The following BRCA1 variants were observed in gnomAD, a reference collection of about 807,000 sequenced individuals.
BRCA1 encodes breast cancer type 1 susceptibility protein.
Under a neutral mutation model 173.7 loss-of-function variants are expected in BRCA1, and 140 were observed. The observed-to-expected ratio is 0.81, with a 90% CI of 0.70 to 0.93. The LOEUF (loss-of-function observed/expected upper bound fraction) is 0.93, where lower values mean the gene tolerates loss of function less well. Among genes scored for constraint, BRCA1 ranks in the 40% least tolerant of loss-of-function variants. The pLI is 0.00. For synonymous variants in BRCA1, 662 were observed against 756.0 expected (o/e 0.88, Z 2.04); for missense variants, 1,983 against 2,172.5 (o/e 0.91, Z 1.73).
At chr17:43,087,019 AT>A (rs2053254938) in intron 11 of BRCA1, among the ~76,000 whole-genome samples, 1 of 152,200 alleles carries the variant, frequency 6.6e-6, no homozygotes, top group Non-Finnish European at 1.5e-5. Context: ...GCAATGCAAG[AT>A]TTAGATTTTA....
chr17:43,091,722 C>T lies in BRCA1; in HGVS notation c.3809G>A (p.Cys1270Tyr), dbSNP rs1207787135. The change falls in exon 10 of 23, where the codon TGC becomes TAC. Residue 1270 changes from cysteine to tyrosine, a missense_variant. Physicochemically the swap from Cys to Tyr is radical, Grantham distance 194. Coordinates refer to ENST00000357654, the MANE Select transcript of BRCA1 (RefSeq NM_007294.4). The part of the protein sequence containing the change: ...LLSLKNSLND[C>Y]SNQVILAKAS... ...CTTTGCCAATATTACCTGGTTACTGCAGTCATTTAAGCTATTCTTCAATGA... is the reference window on the plus strand; with the variant it reads ...CTTTGCCAATATTACCTGGTTACTGTAGTCATTTAAGCTATTCTTCAATGA... The T allele has an allele frequency of 6.2e-7, 1 of 1,614,202 alleles. No individual in the cohort carries two copies. Among genetic ancestry groups the T allele is most frequent in the Non-Finnish European group, 8.5e-7 (1 of 1,180,030 alleles).
In BRCA1 at chr17:43,159,476, G is replaced by T. The variant is rs561072282; in HGVS notation, c.-20+10650C>A. On this transcript the variant is annotated intron_variant, in intron 1 of 7. Coordinates refer to the BRCA1 transcript ENST00000634433. ...CTGAGACGCTCCTCACTTCCCAGAC[G>T]GGGTGGCTGCCAGGCGGAGGGGCTC... The T allele has an allele frequency of 2.5e-4, 43 of 170,732 alleles. 1 individual carries two copies. The South Asian group carries it at 4.9e-3, about 19-fold the overall frequency. The allele number at this position is 170,732 out of a possible 1,614,324, so 10.6% of individuals were successfully genotyped here.
chr17:43,090,874 G>A (rs997416809), intron 11 of BRCA1, 70 bp downstream of exon 11: 2 of 1,370,818 alleles, frequency 1.5e-6, no homozygotes, highest in Admixed American at 3.9e-5. Flanking sequence ...ACCTAAGAAT[G>A]TGGGATACAT....
intron 1 of BRCA1, chr17:43,142,476 C>T (rs2056082271): frequency 6.6e-6 from 1 of 152,232 alleles, no homozygotes; most frequent in Non-Finnish European, 1.5e-5. Context: ...GGAATGGTTA[C>T]AAGGCTTTGA....
At chr17:43,052,648 GA>G (rs889775177) in intron 19 of BRCA1, among the ~76,000 whole-genome samples, 3 of 151,904 alleles carry the variant, frequency 2.0e-5, no homozygotes, top group Non-Finnish European at 2.9e-5. Context: ...GCAATAAAAA[GA>G]AAATTGCCAA....
chr17:43,051,667 C>G (rs940252839), intron 19 of BRCA1, among the ~76,000 whole-genome samples: 1 of 148,000 alleles, frequency 6.8e-6, no homozygotes, highest in African/African-American at 2.5e-5. Flanking sequence ...GACGGAGTCT[C>G]TCTCTGTCAC....
chr17:43,116,159 T>A (rs2055286257), intron 2 of BRCA1, among the ~76,000 whole-genome samples: 1 of 151,944 alleles, frequency 6.6e-6, no homozygotes, highest in African/African-American at 2.4e-5. Flanking sequence ...CAAAATTTTC[T>A]GCTTATATTT....
chr17:43,145,764 G>T (rs1160563730), intron 1 of BRCA1, among the ~76,000 whole-genome samples: 2 of 151,952 alleles, frequency 1.3e-5, no homozygotes. Flanking sequence ...GAAATCATTT[G>T]CTGGTTGTTT....
intron 1 of BRCA1, among the ~76,000 whole-genome samples, chr17:43,145,951 T>G (rs1178800296): frequency 6.6e-6 from 1 of 152,180 alleles, no homozygotes; most frequent in Non-Finnish European, 1.5e-5. Context: ...ACATTTTAAA[T>G]TACTTCCATC....
intron 14 of BRCA1, among the ~76,000 whole-genome samples, chr17:43,072,048 T>G (rs1431783035): frequency 1.3e-5 from 2 of 150,846 alleles, no homozygotes; most frequent in Non-Finnish European, 1.5e-5. Context: ...AAATAAAAGT[T>G]TATGTAAAAT....
rs1351453819 is a variant in BRCA1, at chr17:43,044,485, A to C, written c.*1193T>G. On this transcript the variant is annotated 3_prime_UTR_variant, in exon 23 of 23. Coordinates refer to ENST00000357654, the MANE Select transcript of BRCA1 (RefSeq NM_007294.4). ...CACTTTTTCTTCCTTCAGCAAGCAA[A>C]ATTATTTATGAAGCTGTATGGTTTC... The C allele has an allele frequency of 2.0e-6, 1 of 508,990 alleles. No homozygotes were observed. The highest frequency in any genetic ancestry group is 3.8e-6 in the Non-Finnish European group (1 of 260,124). 31.5% of individuals were successfully genotyped at this position (508,990 alleles called of 1,614,324 possible).
At chr17:43,056,860 T>A (rs2051483751) in intron 19 of BRCA1, among the ~76,000 whole-genome samples, 192 bp downstream of exon 19, 1 of 152,216 alleles carries the variant, frequency 6.6e-6, no homozygotes. Context: ...AGTTTTATCA[T>A]TCATAAAGTA....
intron 1 of BRCA1, chr17:43,140,307 A>T: frequency 6.1e-6 from 1 of 164,756 alleles, no homozygotes; most frequent in Non-Finnish European, 1.3e-5. Context: ...TATCCTTTGT[A>T]ATAAATCAGC....
chr17:43,091,551 T>C lies in BRCA1; in HGVS notation c.3980A>G (p.Gln1327Arg), dbSNP rs730881444. 1 of 1,614,222 alleles carries C rather than the reference T, an allele frequency of 6.2e-7. No individual in the cohort carries two copies. Among genetic ancestry groups the C allele is most frequent in the Non-Finnish European group, 8.5e-7 (1 of 1,180,042 alleles). Residue 1327 changes from glutamine (Q) to arginine (R), a missense_variant, in exon 10 of 23, where the codon CAG becomes CGG. Physicochemically the swap from Gln to Arg is conservative, Grantham distance 43. Coordinates refer to ENST00000357654, the MANE Select transcript of BRCA1 (RefSeq NM_007294.4). Reference protein sequence around the residue: ...LIGSSKQMRHQSESQGVGLSD... With the variant: ...LIGSSKQMRHRSESQGVGLSD... ...CAGACCAACTCCCTGGCTTTCAGAC[T>C]GATGCCTCATTTGTTTGGAAGAACC...
rs1555589856 is a variant in BRCA1, at chr17:43,093,191, C to T, written c.2340G>A (p.Gln780=). The T allele has an allele frequency of 5.0e-6, 8 of 1,613,872 alleles. No homozygotes were observed. The highest frequency in any genetic ancestry group is 6.8e-6 in the Non-Finnish European group (8 of 1,179,968). Residue 780 remains glutamine (Q), a synonymous_variant, in exon 10 of 23, where the codon CAG becomes CAA. Transcript: ENST00000357654. The part of the protein sequence containing the change: ...SLVPGTDYGT[Q]ESISLLEVST... ...TAACTTCCAGTAACGAGATACTTTC[C>T]TGAGTGCCATAATCAGTACCAGGTA... is the stretch of plus-strand genomic sequence containing the variant.
rs376624140 is a variant in BRCA1 at position 43,137,495 on chromosome 17, G to A, written c.-19-13380C>T. Among the ~76,000 whole-genome samples, 63 of 151,764 alleles carry A rather than the reference G, an allele frequency of 4.2e-4. 1 individual carries two copies. In the Middle Eastern group the frequency reaches 0.027, roughly 66 times the overall value. On this transcript the variant is annotated intron_variant, in intron 1 of 7. Transcript: ENST00000634433. ...GGGAGATTGATGTAGGGGAGCGAGC[G>A]TGTGAGTTGGAAGGGAGGCATTGAG... is the stretch of plus-strand genomic sequence containing the variant.
Position 43,124,118 on chromosome 17 carries a change from T to C in BRCA1, c.-19-3A>G, listed in dbSNP as rs273898669. ...CCATTTCTTTCTGTTCCAATGAACT[T>C]TAACACATTAGAAAAACATATATAT... is the stretch of plus-strand genomic sequence containing the variant. On this transcript the variant is annotated splice_polypyrimidine_tract_variant and splice_region_variant and intron_variant, in intron 1 of 22. Coordinates refer to ENST00000357654, the MANE Select transcript of BRCA1 (RefSeq NM_007294.4). 3.0e-5 allele frequency: 46 copies of C among 1,537,558 alleles called. 1 individual carries two copies. The East Asian group carries it at 7.4e-4, about 25-fold the overall frequency.
At chr17:43,091,288 G>C (rs1250784398) in intron 10 of BRCA1, 147 bp downstream of exon 10, 9 of 1,117,442 alleles carry the variant, frequency 8.1e-6, no homozygotes, top group South Asian at 1.3e-5. Flanking sequence ...TCTATGAAAA[G>C]CACCTTAGGA....
chr17:43,089,297 T>C (rs2053349985), intron 11 of BRCA1, among the ~76,000 whole-genome samples: 1 of 151,818 alleles, frequency 6.6e-6, no homozygotes, highest in South Asian at 2.1e-4. Flanking sequence ...CATTCCAGCC[T>C]GGGTGACAGA....
Sources: allele counts gnomAD v4.1 joint callset (sites outside exome capture counted in the v4.1 genomes callset), GRCh38; gene constraint gnomAD v4.1.1; transcripts MANE v1.5; gene names NCBI Gene and HGNC (gene_info 2026-07-23, HGNC 2026-07-21).